The following FRYL variants were observed in gnomAD, a reference collection of about 807,000 sequenced individuals.
FRYL encodes FRY like transcription coactivator, also known as protein furry homolog-like.
In FRYL, 150 loss-of-function variants were observed where a neutral mutation model predicts 351.2. The observed-to-expected ratio is 0.43, with a 90% confidence interval of 0.37 to 0.49. The LOEUF is 0.49. Ranked by LOEUF, FRYL falls within the 20% of genes least tolerant of loss-of-function variation. The probability of loss-of-function intolerance (pLI) is 0.00; values close to 1 mark genes in which losing one functional copy is unlikely to be tolerated. For missense variants in FRYL, 3,036 were observed against 3,619.3 expected (o/e 0.84, Z 4.13); for synonymous variants, 1,153 against 1,257.1 (o/e 0.92, Z 1.75).
At chr4:48,742,998 T>TTTTTTTTTTTTC (rs1337453064) in intron 1 of FRYL, among the ~76,000 whole-genome samples, 1 of 125,948 alleles carries the variant, frequency 7.9e-6, no homozygotes, top group African/African-American at 3.0e-5. Context: ...TTTTTTTTTT[T>TTTTTTTTTTTTC]ACTAGAGACA....
intron 56 of FRYL, among the ~76,000 whole-genome samples, chr4:48,514,259 C>T (rs1723076577): frequency 1.3e-5 from 2 of 152,066 alleles, no homozygotes; most frequent in Admixed American, 1.3e-4. Context: ...AATAGATACA[C>T]TCACAGAGTG....
intron 35 of FRYL, among the ~76,000 whole-genome samples, chr4:48,553,851 T>C (rs572335436): frequency 6.6e-6 from 1 of 152,222 alleles, no homozygotes; most frequent in Non-Finnish European, 1.5e-5. Flanking sequence ...GAACTAGAAC[T>C]AAATTAGAAC....
chr4:48,587,498 G>A (rs1258324565), intron 18 of FRYL, among the ~76,000 whole-genome samples: 4 of 151,800 alleles, frequency 2.6e-5, no homozygotes, highest in Non-Finnish European at 1.5e-5. Context: ...TAATCCTTAT[G>A]TAGAAAAGAA....
At chr4:48,715,480 C>G (rs1163401936) in intron 1 of FRYL, among the ~76,000 whole-genome samples, 2 of 151,694 alleles carry the variant, frequency 1.3e-5, no homozygotes. Flanking sequence ...ACACCAATAA[C>G]AGACAAACAG....
chr4:48,726,754 C>T (rs1187899727), intron 1 of FRYL, among the ~76,000 whole-genome samples: 1 of 152,188 alleles, frequency 6.6e-6, no homozygotes, highest in African/African-American at 2.4e-5. Context: ...CCTCTCTCTT[C>T]TGCTGTCTCA....
intron 1 of FRYL, among the ~76,000 whole-genome samples, chr4:48,732,930 TA>T (rs35830833): frequency 2.1e-5 from 3 of 142,548 alleles, no homozygotes; most frequent in African/African-American, 5.2e-5. Flanking sequence ...ATAACAATAT[TA>T]AAAAAAAAAA....
intron 4 of FRYL, among the ~76,000 whole-genome samples, chr4:48,630,125 C>A (rs1253843755): frequency 1.3e-5 from 2 of 152,122 alleles, no homozygotes; most frequent in Non-Finnish European, 2.9e-5. Flanking sequence ...CTGTAGGAAC[C>A]TTCTTTGGGG....
intron 19 of FRYL, among the ~76,000 whole-genome samples, chr4:48,585,792 T>C (rs573494294): frequency 1.3e-5 from 2 of 152,368 alleles, no homozygotes; most frequent in African/African-American, 4.8e-5. Flanking sequence ...AATGAGGATA[T>C]CTATCACCAT....
At chr4:48,766,095 T>C (rs1003586806) in intron 1 of FRYL, among the ~76,000 whole-genome samples, 2 of 152,184 alleles carry the variant, frequency 1.3e-5, no homozygotes, top group African/African-American at 4.8e-5. Flanking sequence ...ATTAAAAATA[T>C]AACTGCCAAA....
chr4:48,646,972 A>G (rs147558650), intron 3 of FRYL, among the ~76,000 whole-genome samples: 1 of 152,300 alleles, frequency 6.6e-6, no homozygotes, highest in Non-Finnish European at 1.5e-5. Context: ...ACACACGGCT[A>G]GGGAGGTGGG....
intron 7 of FRYL, among the ~76,000 whole-genome samples, chr4:48,614,721 CAAAAAAAAA>C (rs1161734085): frequency 1.3e-4 from 6 of 47,124 alleles, no homozygotes; most frequent in East Asian, 8.2e-4. Flanking sequence ...GACTCCATCT[CAAAAAAAAA>C]AAAAAAAAAA....
chr4:48,583,633 T>C (rs138027420), intron 19 of FRYL, among the ~76,000 whole-genome samples: 290 of 150,490 alleles, frequency 1.9e-3, no homozygotes, highest in African/African-American at 6.9e-3. Context: ...CTGAGCTCAG[T>C]GGCTCACACT....
intron 37 of FRYL, among the ~76,000 whole-genome samples, chr4:48,551,102 T>G (rs144134246): frequency 6.6e-6 from 1 of 151,438 alleles, no homozygotes; most frequent in Non-Finnish European, 1.5e-5. Context: ...CACAAAATAC[T>G]AACAAAAGTT....
At chr4:48,521,270 A>C in intron 54 of FRYL, 55 bp from the exon 55 acceptor site, 5 of 1,294,982 alleles carry the variant, frequency 3.9e-6, no homozygotes, top group Non-Finnish European at 5.4e-6. Flanking sequence ...AAGCCACAGG[A>C]AACATTCTCT....
At chr4:48,683,565 A>T (rs1376225663) in intron 3 of FRYL, among the ~76,000 whole-genome samples, 2 of 152,134 alleles carry the variant, frequency 1.3e-5, no homozygotes, top group African/African-American at 4.8e-5. Flanking sequence ...TAAAGCATTA[A>T]TATAGTATTA....
At chr4:48,773,942 A>G (rs1342672270) in intron 1 of FRYL, among the ~76,000 whole-genome samples, 1 of 152,198 alleles carries the variant, frequency 6.6e-6, no homozygotes, top group African/African-American at 2.4e-5. Flanking sequence ...TACATAAATA[A>G]GTACCTTTCT....
chr4:48,631,322 A>C (rs1036490694), intron 4 of FRYL, among the ~76,000 whole-genome samples: 11 of 152,182 alleles, frequency 7.2e-5, no homozygotes, highest in African/African-American at 2.4e-4. Context: ...TTATAATCTC[A>C]GATTACATAG....
intron 43 of FRYL, among the ~76,000 whole-genome samples, 190 bp from the exon 44 acceptor site, chr4:48,544,187 A>G (rs1476854687): frequency 1.3e-5 from 2 of 152,160 alleles, no homozygotes; most frequent in African/African-American, 4.8e-5. Context: ...TTACGGAAGC[A>G]ATCCTTCAGA....
At chr4:48,673,520 T>C (rs1763052822) in intron 3 of FRYL, among the ~76,000 whole-genome samples, 1 of 152,104 alleles carries the variant, frequency 6.6e-6, no homozygotes, top group Non-Finnish European at 1.5e-5. Context: ...CATAAGTAGC[T>C]GGGACTACCG....
Sources: gnomAD v4.1 joint callset for allele counts (sites outside exome capture counted in the v4.1 genomes callset) on GRCh38, gnomAD v4.1.1 for gene constraint, MANE v1.5 for transcripts, NCBI Gene and HGNC (gene_info 2026-07-23, HGNC 2026-07-21) for gene names.